The following CDH23 variants were observed in gnomAD, a reference collection of about 807,000 sequenced individuals.
CDH23 encodes the protein cadherin-23.
Under a neutral mutation model 317.1 loss-of-function variants are expected in CDH23, and 189 were observed. The observed-to-expected ratio is 0.60, with a 90% CI of 0.53 to 0.67. CDH23 has a LOEUF of 0.67. Ranked by LOEUF, CDH23 falls within the 30% of genes least tolerant of loss-of-function variation. CDH23 has a pLI of 0.00. For missense variants in CDH23, 4,401 were observed against 4,592.4 expected (o/e 0.96, Z 1.20); for synonymous variants, 1,839 against 1,876.8 (o/e 0.98, Z 0.52).
chr10:71,511,787 G>A (rs547513364), intron 6 of CDH23: 31 of 155,696 alleles, frequency 2.0e-4, no homozygotes, highest in Middle Eastern at 3.4e-3. Context: ...CAAACGGTTC[G>A]TTAATAAGCT....
At chr10:71,809,167 C>CTTTTTTTTTTT (rs61078259) in intron 60 of CDH23, among the ~76,000 whole-genome samples, 14 of 68,826 alleles carry the variant, frequency 2.0e-4, no homozygotes, top group Non-Finnish European at 2.5e-4. Flanking sequence ...TTTCTTTTTC[C>CTTTTTTTTTTT]TTTTTTTTTT....
chr10:71,447,513 T>C (rs1418459343), intron 3 of CDH23, among the ~76,000 whole-genome samples: 1 of 152,070 alleles, frequency 6.6e-6, no homozygotes, highest in Non-Finnish European at 1.5e-5. Flanking sequence ...CTGTTTGTTG[T>C]GGGGATTGTC....
chr10:71,640,231 T>C (rs1175426786), intron 11 of CDH23, among the ~76,000 whole-genome samples: 8 of 152,174 alleles, frequency 5.3e-5, no homozygotes, highest in Admixed American at 5.2e-4. Context: ...GCTCACACCA[T>C]CTTTTCAGTC....
Position 71,446,382 on chromosome 10 carries a change from G to A in CDH23, c.132G>A (p.Glu44=), listed in dbSNP as rs2132023604. The A allele has an allele frequency of 6.2e-7, 1 of 1,614,056 alleles. No individual in the cohort carries two copies. The highest frequency in any genetic ancestry group is 8.5e-7 in the Non-Finnish European group (1 of 1,179,908). ...TTGATACATACCTGCTGATCAGCGA[G>A]GACACGCCTGTGGGTGAGTGGGGGC... ...HFFDTYLLIS[E]DTPVGSSVTQ... The change falls in exon 3 of 70, where the codon GAG becomes GAA. Residue 44 remains glutamate, a synonymous_variant. Coordinates refer to ENST00000224721, the MANE Select transcript of CDH23 (RefSeq NM_022124.6).
rs191692479 is a variant in CDH23 at position 71,680,308 on chromosome 10, C to T, written c.1858+816C>T. 4.3e-3 allele frequency among the ~76,000 whole-genome samples: 657 copies of T among 152,342 alleles called. 5 individuals carry two copies. Among genetic ancestry groups the T allele is most frequent in the South Asian group, 0.041 (198 of 4,832 alleles). ...TTTAAGGGCTCATTTAACACCTCCT[C>T]CTTTGGGAAGCTTCTCTGATTCCTG... On this transcript the variant is annotated intron_variant, in intron 17 of 69. Transcript: ENST00000224721.
At chr10:71,626,416 C>T (rs953689699) in intron 11 of CDH23, among the ~76,000 whole-genome samples, 1 of 152,190 alleles carries the variant, frequency 6.6e-6, no homozygotes, top group Admixed American at 6.5e-5. Flanking sequence ...AGGGAGGAGA[C>T]AAGACCCGTG....
intron 1 of CDH23, among the ~76,000 whole-genome samples, chr10:71,425,572 GT>G (rs372903997): frequency 1.3e-5 from 2 of 152,222 alleles, no homozygotes; most frequent in African/African-American, 2.4e-5. Flanking sequence ...CCAGCTGGGG[GT>G]TTGGAGCTCC....
intron 28 of CDH23, chr10:71,716,920 A>G (rs1299716706): frequency 6.6e-6 from 1 of 152,198 alleles, no homozygotes; most frequent in Non-Finnish European, 1.5e-5. Context: ...GAATTTCACC[A>G]CTGGCATTGG....
intron 6 of CDH23, among the ~76,000 whole-genome samples, chr10:71,550,680 A>G (rs912670604): frequency 6.6e-6 from 1 of 152,140 alleles, no homozygotes; most frequent in Non-Finnish European, 1.5e-5. Context: ...TTCAGGCCCA[A>G]GTCCACCCCA....
intron 36 of CDH23, 111 bp from the exon 37 acceptor site, chr10:71,740,711 T>C: frequency 1.4e-6 from 2 of 1,469,314 alleles, no homozygotes; most frequent in South Asian, 1.3e-5. Flanking sequence ...TCAGTGAGTC[T>C]CTTTGCCCTC....
chr10:71,797,879 A>G (rs11000002), intron 49 of CDH23, among the ~76,000 whole-genome samples: 1 of 152,166 alleles, frequency 6.6e-6, no homozygotes. Context: ...CATGAGGTAC[A>G]GACAGCTGCT....
intron 55 of CDH23, among the ~76,000 whole-genome samples, chr10:71,805,330 TC>T (rs746303851): frequency 6.6e-6 from 1 of 152,092 alleles, no homozygotes; most frequent in African/African-American, 2.4e-5. Context: ...CCTGCCTGTG[TC>T]CCCCCCATTT....
At chr10:71,540,267 C>T (rs1355736382) in intron 6 of CDH23, among the ~76,000 whole-genome samples, 1 of 152,132 alleles carries the variant, frequency 6.6e-6, no homozygotes, top group Non-Finnish European at 1.5e-5. Context: ...CAGCCCAGAC[C>T]CTGGACCAGA....
At chr10:71,780,694 G>A (rs1341170535) in intron 41 of CDH23, among the ~76,000 whole-genome samples, 1 of 152,198 alleles carries the variant, frequency 6.6e-6, no homozygotes, top group Non-Finnish European at 1.5e-5. Context: ...GCTTTAAGCA[G>A]AGGAGAGACA....
intron 3 of CDH23, among the ~76,000 whole-genome samples, chr10:71,474,527 C>T (rs1325961743): frequency 6.6e-6 from 1 of 152,196 alleles, no homozygotes; most frequent in African/African-American, 2.4e-5. Flanking sequence ...GAATACGGTG[C>T]TCAGAAGGTG....
At chr10:71,538,090 C>T (rs979080593) in intron 6 of CDH23, among the ~76,000 whole-genome samples, 2 of 152,196 alleles carry the variant, frequency 1.3e-5, no homozygotes, top group Non-Finnish European at 2.9e-5. Context: ...CCAATATGTA[C>T]AGCAAGGCCA....
chr10:71,654,161 G>A (rs1056708651), intron 14 of CDH23, among the ~76,000 whole-genome samples: 2 of 152,240 alleles, frequency 1.3e-5, no homozygotes, highest in African/African-American at 2.4e-5. Flanking sequence ...GCTGCCAGGT[G>A]TGCGACCTGT....
At chr10:71,611,696 G>A (rs12253909) in intron 9 of CDH23, among the ~76,000 whole-genome samples, 5,716 of 152,230 alleles carry the variant, frequency 0.038, 351 homozygotes, top group African/African-American at 0.13. Context: ...ATTTGAACCC[G>A]TGCTGTCTGC....
At chr10:71,638,637 G>A (rs1862386633) in intron 11 of CDH23, among the ~76,000 whole-genome samples, 1 of 152,212 alleles carries the variant, frequency 6.6e-6, no homozygotes, top group African/African-American at 2.4e-5. Context: ...CATGCAGGTG[G>A]TTAAGTAGCG....
Sources: allele counts gnomAD v4.1 joint callset (sites outside exome capture counted in the v4.1 genomes callset), GRCh38; gene constraint gnomAD v4.1.1; transcripts MANE v1.5; gene names NCBI Gene and HGNC (gene_info 2026-07-23, HGNC 2026-07-21).